Variants in NAV2 observed in about 807,000 individuals in gnomAD.
NAV2 encodes the protein helicase, APC down-regulated 1.
NAV2 carries 54 observed loss-of-function variants against 223.2 expected under a neutral mutation model. The ratio of observed to expected loss-of-function variants is 0.24; its 90% CI spans 0.19 to 0.30. The LOEUF (loss-of-function observed/expected upper bound fraction) is 0.30, where lower values mean the gene tolerates loss of function less well. Among genes scored for constraint, NAV2 ranks in the 10% least tolerant of loss-of-function variants. The pLI, the probability that NAV2 is intolerant of heterozygous loss-of-function variation, is 1.00. For synonymous variants in NAV2, 1,279 were observed against 1,239.3 expected (o/e 1.03, Z -0.67); for missense variants, 2,806 against 3,147.5 (o/e 0.89, Z 2.60).
intron 7 of NAV2, among the ~76,000 whole-genome samples, chr11:19,938,448 G>A (rs1163841040): frequency 1.3e-5 from 2 of 152,226 alleles, no homozygotes; most frequent in African/African-American, 4.8e-5. Flanking sequence ...AGCAGGTGGC[G>A]ATCTGCAATA....
chr11:19,387,263 G>A (rs1265208317), intron 1 of NAV2, among the ~76,000 whole-genome samples: 2 of 152,204 alleles, frequency 1.3e-5, no homozygotes, highest in Non-Finnish European at 2.9e-5. Context: ...ATGGTGGCGG[G>A]AGGAGGAGTA....
At chr11:19,658,461 C>T (rs1259532096) in intron 1 of NAV2, among the ~76,000 whole-genome samples, 2 of 152,210 alleles carry the variant, frequency 1.3e-5, no homozygotes, top group African/African-American at 4.8e-5. Context: ...AACTAAAATG[C>T]TGACGGGGTC....
chr11:19,929,985 T>C (rs998536936), intron 6 of NAV2, among the ~76,000 whole-genome samples: 2 of 152,180 alleles, frequency 1.3e-5, no homozygotes, highest in African/African-American at 4.8e-5. Flanking sequence ...TAGCACCTCA[T>C]AGAGCCCTCT....
intron 1 of NAV2, among the ~76,000 whole-genome samples, chr11:19,553,530 C>G (rs757239880): frequency 1.4e-5 from 2 of 143,682 alleles, no homozygotes; most frequent in African/African-American, 2.7e-5. Flanking sequence ...CACCTCTCTC[C>G]CCTCCCCATC....
At chr11:19,896,231 G>A (rs1044351053) in intron 6 of NAV2, among the ~76,000 whole-genome samples, 9 of 152,220 alleles carry the variant, frequency 5.9e-5, no homozygotes, top group African/African-American at 2.2e-4. Flanking sequence ...AATCAATAAT[G>A]TTAAGTATAT....
chr11:20,033,845 T>G (rs865854583), intron 11 of NAV2, among the ~76,000 whole-genome samples: 7 of 152,242 alleles, frequency 4.6e-5, no homozygotes, highest in Non-Finnish European at 1.0e-4. Flanking sequence ...AGACGTTCTG[T>G]TGGCTTTCAA....
intron 3 of NAV2, 124 bp downstream of exon 3, chr11:19,843,047 C>A: frequency 1.3e-6 from 1 of 750,016 alleles, no homozygotes; most frequent in Non-Finnish European, 2.2e-6. Context: ...TTAATAAACT[C>A]ACAGCTATTT....
intron 1 of NAV2, among the ~76,000 whole-genome samples, chr11:19,682,282 T>C (rs1057003972): frequency 1.3e-5 from 2 of 152,232 alleles, no homozygotes; most frequent in African/African-American, 4.8e-5. Context: ...TGGTATGTGC[T>C]AAGAACTGTG....
chr11:19,690,981 A>G (rs1369697955), intron 1 of NAV2, among the ~76,000 whole-genome samples: 2 of 152,254 alleles, frequency 1.3e-5, no homozygotes, highest in Non-Finnish European at 2.9e-5. Flanking sequence ...TGTCAGCAGT[A>G]AAGCCAAGTG....
chr11:19,729,074 G>A (rs1190059477), intron 1 of NAV2, among the ~76,000 whole-genome samples: 1 of 152,082 alleles, frequency 6.6e-6, no homozygotes, highest in Non-Finnish European at 1.5e-5. Flanking sequence ...GCAGATCTGG[G>A]GTGAGGTCCA....
chr11:20,056,619 T>G, intron 19 of NAV2: 1 of 1,611,984 alleles, frequency 6.2e-7, no homozygotes, highest in South Asian at 1.1e-5. Context: ...TCACGCAAGG[T>G]ATGAGTTAGG....
At chr11:19,826,922 T>G (rs2059665212) in intron 1 of NAV2, among the ~76,000 whole-genome samples, 1 of 152,192 alleles carries the variant, frequency 6.6e-6, no homozygotes, top group Admixed American at 6.5e-5. Context: ...GGCCAGCCCC[T>G]GTGACGCACT....
chr11:20,094,528 G>A (rs901617949), intron 29 of NAV2, among the ~76,000 whole-genome samples: 1 of 152,052 alleles, frequency 6.6e-6, no homozygotes, highest in Non-Finnish European at 1.5e-5. Context: ...ACAGCCGGCT[G>A]GGAAACTCAT....
At chr11:19,360,307 A>G (rs1008597984) in intron 1 of NAV2, among the ~76,000 whole-genome samples, 2 of 152,116 alleles carry the variant, frequency 1.3e-5, no homozygotes, top group Non-Finnish European at 2.9e-5. Flanking sequence ...GCATCCTGTT[A>G]GGTCAGTTTA....
intron 9 of NAV2, among the ~76,000 whole-genome samples, chr11:19,946,999 T>A (rs576119281): frequency 6.6e-6 from 1 of 152,326 alleles, no homozygotes; most frequent in South Asian, 2.1e-4. Flanking sequence ...AATCTAGTAT[T>A]ACATTGGAAA....
At chr11:20,066,577 A>T (rs908378454) in intron 20 of NAV2, among the ~76,000 whole-genome samples, 2 of 152,184 alleles carry the variant, frequency 1.3e-5, no homozygotes, top group African/African-American at 4.8e-5. Flanking sequence ...GGGCAGGATC[A>T]GGAGGGAGGA....
At chr11:19,436,136 T>G (rs1283958481) in intron 1 of NAV2, among the ~76,000 whole-genome samples, 1 of 152,148 alleles carries the variant, frequency 6.6e-6, no homozygotes, top group African/African-American at 2.4e-5. Context: ...CAAGAAATCA[T>G]TGCCCAGACA....
intron 1 of NAV2, among the ~76,000 whole-genome samples, chr11:19,621,081 G>A (rs2046979260): frequency 6.6e-6 from 1 of 152,014 alleles, no homozygotes; most frequent in Non-Finnish European, 1.5e-5. Context: ...TTGTGTATAT[G>A]GAACCAGCCT....
intron 10 of NAV2, among the ~76,000 whole-genome samples, chr11:19,960,712 C>A (rs1375820489): frequency 6.6e-6 from 1 of 152,052 alleles, no homozygotes; most frequent in Non-Finnish European, 1.5e-5. Context: ...CTCCCGCATT[C>A]AAGTGATTAT....
Sources: gnomAD v4.1 joint callset for allele counts (sites outside exome capture counted in the v4.1 genomes callset) on GRCh38, gnomAD v4.1.1 for gene constraint, MANE v1.5 for transcripts, NCBI Gene and HGNC (gene_info 2026-07-23, HGNC 2026-07-21) for gene names.